EPHA6: variants seen among roughly 807,000 people sequenced by gnomAD.
EPHA6 encodes the protein ephrin type-A receptor 6.
A neutral mutation model predicts 112.0 loss-of-function variants in EPHA6; 50 were observed. That is an observed-to-expected ratio of 0.45 (90% CI 0.36 to 0.56). The LOEUF (loss-of-function observed/expected upper bound fraction) is 0.56, where lower values mean the gene tolerates loss of function less well. Among genes scored for constraint, EPHA6 ranks in the 20% least tolerant of loss-of-function variants. EPHA6 has a pLI of 0.00. For synonymous variants in EPHA6, 529 were observed against 490.7 expected (o/e 1.08, Z -1.03); for missense variants, 1,280 against 1,417.4 (o/e 0.90, Z 1.56).
intron 15 of EPHA6, among the ~76,000 whole-genome samples, chr3:97,723,073 T>C (rs1157814246): frequency 6.6e-6 from 1 of 152,226 alleles, no homozygotes; most frequent in Admixed American, 6.5e-5. Context: ...ATATTTATTA[T>C]ATTTTTCTCA....
rs55642287 is a variant in EPHA6, at chr3:97,483,985, C to A, written c.2126C>A (p.Pro709Gln). The change falls in exon 10 of 18, where the codon CCA becomes CAA. Residue 709 changes from proline (P) to glutamine (Q), a missense_variant. By Grantham distance (76) the Pro-to-Gln change is moderately conservative. Around this residue, in one of 4 missense-constraint regions of EPHA6, gnomAD observed 878 missense variants for 999.7 expected, o/e 0.88. Transcript: ENST00000389672. ...TYIDPDTYEDPSLAVHEFAKE... is the reference protein window; with the variant it reads ...TYIDPDTYEDQSLAVHEFAKE... Reference sequence around the variant, plus strand: ...ATTGATCCAGATACATATGAAGACCCATCCCTAGCAGTCCATGAATTTGCA... The same window carrying A: ...ATTGATCCAGATACATATGAAGACCAATCCCTAGCAGTCCATGAATTTGCA... 562 of 1,609,754 alleles carry A rather than the reference C, an allele frequency of 3.5e-4. 4 individuals carry two copies. In the African/African-American group the frequency reaches 6.1e-3, roughly 18 times the overall value.
intron 2 of EPHA6, among the ~76,000 whole-genome samples, chr3:96,939,193 C>T (rs906992628): frequency 6.6e-6 from 1 of 152,174 alleles, no homozygotes; most frequent in Non-Finnish European, 1.5e-5. Context: ...ACCAGCTCCT[C>T]CTTGTACCTC....
chr3:97,422,137 CAA>C (rs34312259), intron 6 of EPHA6, among the ~76,000 whole-genome samples: 5,902 of 103,312 alleles, frequency 0.057, 263 homozygotes, highest in African/African-American at 0.16. Context: ...AATAGTCTCT[CAA>C]AAAAAAAAAA....
At chr3:97,464,521 T>C (rs1331019261) in intron 7 of EPHA6, among the ~76,000 whole-genome samples, 1 of 152,060 alleles carries the variant, frequency 6.6e-6, no homozygotes, top group Non-Finnish European at 1.5e-5. Flanking sequence ...ATAAAACCTC[T>C]CCATGTTTAT....
intron 3 of EPHA6, among the ~76,000 whole-genome samples, chr3:97,110,905 C>A (rs1469995652): frequency 6.6e-6 from 1 of 151,928 alleles, no homozygotes; most frequent in Non-Finnish European, 1.5e-5. Context: ...AGAAATTAGA[C>A]CCAAGTTGTC....
At chr3:97,426,259 G>T (rs2089113718) in intron 6 of EPHA6, among the ~76,000 whole-genome samples, 1 of 152,180 alleles carries the variant, frequency 6.6e-6, no homozygotes, top group Non-Finnish European at 1.5e-5. Flanking sequence ...CCATATAGCT[G>T]GGGAGGCCTC....
chr3:97,031,267 A>C lies in EPHA6; in HGVS notation c.1114+43274A>C, dbSNP rs553941626. 6.8e-4 allele frequency among the ~76,000 whole-genome samples: 103 copies of C among 152,174 alleles called. 2 individuals carry two copies. In the South Asian group the frequency reaches 0.021, roughly 31 times the overall value. ...TAGGTAGAAAGCTGAAACTGGATCC[A>C]TTCCTTACACCGTATACAAAAATTA... On this transcript the variant is annotated intron_variant, in intron 3 of 17. Coordinates refer to ENST00000389672, the MANE Select transcript of EPHA6 (RefSeq NM_001080448.3).
chr3:97,517,565 TTTG>T (rs2092467312), intron 10 of EPHA6, among the ~76,000 whole-genome samples: 1 of 152,110 alleles, frequency 6.6e-6, no homozygotes, highest in Non-Finnish European at 1.5e-5. Flanking sequence ...AATTAAAAAA[TTTG>T]TTACTTCACA....
intron 3 of EPHA6, among the ~76,000 whole-genome samples, chr3:97,158,282 C>T (rs72922341): frequency 0.04 from 6,068 of 152,234 alleles, 368 homozygotes; most frequent in African/African-American, 0.13. Context: ...CACAGACACA[C>T]ACACAAATTT....
chr3:97,486,690 A>C (rs2091707689), intron 10 of EPHA6, among the ~76,000 whole-genome samples: 1 of 152,194 alleles, frequency 6.6e-6, no homozygotes, highest in Non-Finnish European at 1.5e-5. Context: ...ACCTCTAAAC[A>C]CAGTTGTATT....
intron 3 of EPHA6, among the ~76,000 whole-genome samples, chr3:97,104,189 T>C (rs934972448): frequency 6.6e-6 from 1 of 152,160 alleles, no homozygotes; most frequent in Non-Finnish European, 1.5e-5. Flanking sequence ...CTGTGTTGAA[T>C]AGGAGTGGTG....
intron 3 of EPHA6, among the ~76,000 whole-genome samples, chr3:97,114,526 T>C (rs1680293374): frequency 6.6e-6 from 1 of 152,044 alleles, no homozygotes; most frequent in Non-Finnish European, 1.5e-5. Flanking sequence ...CACAATTTTA[T>C]TTTGGTGTTT....
At chr3:97,244,355 G>C (rs778453518) in intron 5 of EPHA6, 68 bp downstream of exon 5, 38 of 1,354,634 alleles carry the variant, frequency 2.8e-5, no homozygotes, top group Non-Finnish European at 3.9e-5. Context: ...ATCCCTCATG[G>C]GCATGTATTT....
intron 4 of EPHA6, among the ~76,000 whole-genome samples, chr3:97,228,189 T>C (rs1362350954): frequency 6.6e-6 from 1 of 152,140 alleles, no homozygotes; most frequent in Non-Finnish European, 1.5e-5. Flanking sequence ...AACAATAGTT[T>C]TTGGGGAACA....
At chr3:96,932,080 C>T (rs150650472) in intron 2 of EPHA6, among the ~76,000 whole-genome samples, 1 of 152,236 alleles carries the variant, frequency 6.6e-6, no homozygotes, top group East Asian at 1.9e-4. Context: ...GTCACACAGT[C>T]ATTCACTGCC....
chr3:97,331,541 A>C (rs1339039939), intron 5 of EPHA6, among the ~76,000 whole-genome samples: 1 of 152,198 alleles, frequency 6.6e-6, no homozygotes, highest in African/African-American at 2.4e-5. Context: ...AAATAGATGC[A>C]ATAAAAAATG....
At chr3:97,011,877 A>G (rs1415085093) in intron 3 of EPHA6, among the ~76,000 whole-genome samples, 5 of 152,108 alleles carry the variant, frequency 3.3e-5, no homozygotes, top group Admixed American at 6.6e-5. Context: ...ACTCCCACTT[A>G]TAAGTGAGGA....
rs1256832417 is a variant in EPHA6, at chr3:97,718,986, C to T, written c.2785-1275C>T. ...TTCCCCAAGGTTTCTTCTAACAATT[C>T]CATGCTACTAGTCTTTGAAATGAGT... On this transcript the variant is annotated intron_variant, in intron 14 of 17. Coordinates refer to ENST00000389672, the MANE Select transcript of EPHA6 (RefSeq NM_001080448.3). Among the ~76,000 whole-genome samples the T allele has an allele frequency of 4.0e-5, 6 of 151,402 alleles. No individual in the cohort carries two copies. The East Asian group carries it at 1.2e-3, about 29-fold the overall frequency.
intron 12 of EPHA6, among the ~76,000 whole-genome samples, chr3:97,593,621 A>G (rs2093563834): frequency 6.6e-6 from 1 of 152,214 alleles, no homozygotes; most frequent in African/African-American, 2.4e-5. Context: ...GAACACTTCA[A>G]AAGACTGGGA....
Sources: gnomAD v4.1 joint callset for allele counts (sites outside exome capture counted in the v4.1 genomes callset) on GRCh38, gnomAD v4.1.1 for gene constraint, gnomAD v4.1.1 regional missense constraint, MANE v1.5 for transcripts, NCBI Gene and HGNC (gene_info 2026-07-23, HGNC 2026-07-21) for gene names.